The following SNX1 variants were observed in gnomAD, a reference collection of about 807,000 sequenced individuals.
SNX1 encodes the protein sorting nexin-1.
Under a neutral mutation model 71.8 loss-of-function variants are expected in SNX1, and 36 were observed. The ratio of observed to expected loss-of-function variants is 0.50; its 90% CI spans 0.38 to 0.66. SNX1 has a LOEUF of 0.66. SNX1 is among the 30% of genes least tolerant of loss of function. The pLI is 0.00. For synonymous variants in SNX1, 254 were observed against 240.7 expected (o/e 1.06, Z -0.51); for missense variants, 612 against 646.7 (o/e 0.95, Z 0.58).
At chr15:64,113,683 C>G (rs2081100210) in intron 2 of SNX1, among the ~76,000 whole-genome samples, 1 of 151,996 alleles carries the variant, frequency 6.6e-6, no homozygotes, top group South Asian at 2.1e-4. Flanking sequence ...TAGCTGGATT[C>G]CATGGCGCAC....
At chr15:64,136,223 ACATAATGATCAATTGAGCCCT>A in intron 12 of SNX1, 86 bp from the exon 13 acceptor site, 1 of 836,552 alleles carries the variant, frequency 1.2e-6, no homozygotes, top group Non-Finnish European at 2.0e-6. Context: ...GGACAGACAG[ACATAATGATCAATTGAGCCCT>A]CATATGTAAA....
At chr15:64,100,461 G>T (rs1015148606) in intron 1 of SNX1, among the ~76,000 whole-genome samples, 1 of 151,970 alleles carries the variant, frequency 6.6e-6, no homozygotes, top group Admixed American at 6.6e-5. Context: ...TTAGCCGGGC[G>T]TGGTGGCACA....
chr15:64,138,047 G>A lies in SNX1; in HGVS notation c.*429G>A, dbSNP rs1410122847. Reference sequence around the variant, plus strand: ...TGTTGGTGGTTTTTGCTTAGGCTGGGGAGCAGTTGGGAATCAGGTCTGGAA... The same window carrying A: ...TGTTGGTGGTTTTTGCTTAGGCTGGAGAGCAGTTGGGAATCAGGTCTGGAA... On this transcript the variant is annotated 3_prime_UTR_variant, in exon 15 of 15. Transcript: ENST00000559844. 1 of 1,524,748 alleles carries A rather than the reference G, an allele frequency of 6.6e-7. No individual in the cohort carries two copies. Among genetic ancestry groups the A allele is most frequent in the Non-Finnish European group, 8.7e-7 (1 of 1,143,734 alleles). The allele number at this position is 1,524,748 out of a possible 1,614,324, so 94.5% of individuals were successfully genotyped here.
intron 2 of SNX1, 63 bp downstream of exon 2, chr15:64,112,747 T>TA: frequency 9.4e-7 from 1 of 1,060,932 alleles, no homozygotes; most frequent in Non-Finnish European, 1.4e-6. Flanking sequence ...GTTGCTGAGT[T>TA]AAAGTCAAAA....
intron 1 of SNX1, among the ~76,000 whole-genome samples, chr15:64,098,304 CAG>C (rs369480697): frequency 2.6e-5 from 4 of 152,304 alleles, no homozygotes; most frequent in Non-Finnish European, 5.9e-5. Flanking sequence ...AATATGAAAA[CAG>C]AAACTCTGAC....
chr15:64,140,983 T>TAGGTA lies in SNX1; in HGVS notation c.*3365_*3366insAGGTA, dbSNP rs10678401. ...GCTCTCACCATACAGTGCAAAGAGATGATAGATAGATAGATAGATAGATAG... is the reference window on the plus strand; with the variant it reads ...GCTCTCACCATACAGTGCAAAGAGATAGGTAGATAGATAGATAGATAGATAGATAG... On this transcript the variant is annotated 3_prime_UTR_variant, in exon 15 of 15. Coordinates refer to ENST00000559844, the MANE Select transcript of SNX1 (RefSeq NM_003099.5). The TAGGTA allele has an allele frequency of 2.0e-5, 3 of 148,780 alleles. No individual in the cohort carries two copies. The highest frequency in any genetic ancestry group is 7.6e-5 in the African/African-American group (3 of 39,648). The allele number at this position is 148,780 out of a possible 1,614,324, so 9.2% of individuals were successfully genotyped here. A position where few individuals can be genotyped will look rare whatever the true frequency, so the allele number is the denominator to read the frequency against.
At chr15:64,135,576 T>C (rs1278618916) in intron 12 of SNX1, among the ~76,000 whole-genome samples, 1 of 150,932 alleles carries the variant, frequency 6.6e-6, no homozygotes, top group African/African-American at 2.4e-5. Context: ...GCCAACATGG[T>C]GAAACCCCGT....
chr15:64,127,085 C>T, intron 6 of SNX1, 89 bp from the exon 7 acceptor site: 1 of 971,470 alleles, frequency 1.0e-6, no homozygotes. Context: ...AGCCTCACTG[C>T]CTTTCCTCCT....
chr15:64,120,609 C>T (rs1360917991), intron 4 of SNX1, among the ~76,000 whole-genome samples: 1 of 152,042 alleles, frequency 6.6e-6, no homozygotes, highest in Non-Finnish European at 1.5e-5. Flanking sequence ...CCCAGGAGTT[C>T]AGGACCAGCC....
chr15:64,137,432 G>A, intron 14 of SNX1, 136 bp from the exon 15 acceptor site: 1 of 847,402 alleles, frequency 1.2e-6, no homozygotes, highest in Non-Finnish European at 1.9e-6. Flanking sequence ...CATGTGGCCT[G>A]TGCAGCTGCT....
chr15:64,118,305 C>G, intron 3 of SNX1, 61 bp downstream of exon 3: 1 of 1,530,430 alleles, frequency 6.5e-7, no homozygotes, highest in Non-Finnish European at 8.8e-7. Context: ...TACGGCCAGT[C>G]TGAAGTGTAG....
At chr15:64,119,277 G>A (rs528143916) in intron 4 of SNX1, among the ~76,000 whole-genome samples, 18 of 152,120 alleles carry the variant, frequency 1.2e-4, no homozygotes, top group African/African-American at 4.1e-4. Context: ...GCAGGCACGT[G>A]CTACCATGCC....
At position 64,131,832 on chromosome 15, in the gene SNX1, T is replaced by C. The variant is rs774768930; in HGVS notation, c.1161T>C (p.Asn387=). ...AGCTCCACCAGGAACAGGCCAACAA[T>C]GACTTCTTCCTCCTTGCTGAGCTCC... The part of the protein sequence containing the change: ...IEQLHQEQAN[N]DFFLLAELLS... Residue 387 remains asparagine, a synonymous_variant, in exon 11 of 15, where the codon AAT becomes AAC. Coordinates refer to ENST00000559844, the MANE Select transcript of SNX1 (RefSeq NM_003099.5). 6.2e-6 allele frequency: 10 copies of C among 1,614,234 alleles called. No individual in the cohort carries two copies. The highest frequency in any genetic ancestry group is 1.6e-4 in the Middle Eastern group (1 of 6,062).
At chr15:64,118,746 T>G (rs758971047) in intron 3 of SNX1, 42 bp from the exon 4 acceptor site, 11 of 1,489,162 alleles carry the variant, frequency 7.4e-6, no homozygotes, top group Non-Finnish European at 1.0e-5. Context: ...GATAGCTTTT[T>G]TTTTCATATC....
chr15:64,133,467 C>T (rs929132607), intron 11 of SNX1, among the ~76,000 whole-genome samples: 7 of 152,116 alleles, frequency 4.6e-5, no homozygotes, highest in East Asian at 1.9e-4. Context: ...TGGTGGCTCA[C>T]GCCTGTAATC....
rs761431723 is a variant in SNX1 at position 64,134,522 on chromosome 15, A to G, written c.1222-142A>G. ...TTTGCTCCTAGACATTAAACTTCCC[A>G]GCTGGGCACTAACATGTGGCTGCAG... On this transcript the variant is annotated intron_variant, in intron 11 of 14. Transcript: ENST00000559844. The surrounding 1 kb of genome is among the most constrained non-coding windows in gnomAD (Gnocchi z 4.1). 1.4e-5 allele frequency: 13 copies of G among 950,550 alleles called. No individual in the cohort carries two copies. Among genetic ancestry groups the G allele is most frequent in the Non-Finnish European group, 2.0e-5 (13 of 652,208 alleles). 58.9% of individuals were successfully genotyped at this position (950,550 alleles called of 1,614,324 possible). A position where few individuals can be genotyped will look rare whatever the true frequency, so the allele number is the denominator to read the frequency against.
intron 4 of SNX1, among the ~76,000 whole-genome samples, chr15:64,120,969 A>G (rs775059681): frequency 2.6e-5 from 4 of 152,256 alleles, no homozygotes; most frequent in Non-Finnish European, 4.4e-5. Flanking sequence ...ATTGAGGACC[A>G]AAAAGGAAGT....
rs1380006027 is a variant in SNX1, at chr15:64,138,260, A to T, written c.*642A>T. The T allele has an allele frequency of 1.4e-6, 2 of 1,420,742 alleles. No homozygotes were observed. The allele number at this position is 1,420,742 out of a possible 1,614,324, so 88.0% of individuals were successfully genotyped here. A position where few individuals can be genotyped will look rare whatever the true frequency, so the allele number is the denominator to read the frequency against. On this transcript the variant is annotated 3_prime_UTR_variant, in exon 15 of 15. Coordinates refer to ENST00000559844, the MANE Select transcript of SNX1 (RefSeq NM_003099.5). The stretch of plus-strand genomic sequence containing the variant: ...AAGGAGTTTTAAAAACATCTCTTAA[A>T]ATAAGAGGAGCAAAATCTATTAAAA...
rs1658483316 is a variant in SNX1 at position 64,096,022 on chromosome 15, G to T, written c.9G>T (p.Ser3=). The change falls in exon 1 of 15, where the codon TCG becomes TCT. Residue 3 remains serine, a synonymous_variant. Transcript: ENST00000559844. ...GCCGCGGGTGGAAGAAGATGGCGTC[G>T]GGTGGTGGTGGCTGTAGCGCTTCGG... MA[S]GGGGCSASER... 1.3e-6 allele frequency: 2 copies of T among 1,595,924 alleles called. No homozygotes were observed. The highest frequency in any genetic ancestry group is 2.3e-5 in the East Asian group (1 of 44,146).
Sources: allele counts gnomAD v4.1 joint callset (sites outside exome capture counted in the v4.1 genomes callset), GRCh38; gene constraint gnomAD v4.1.1; non-coding constraint Gnocchi (gnomAD v3.1); transcripts MANE v1.5; gene names NCBI Gene and HGNC (gene_info 2026-07-23, HGNC 2026-07-21).